Variants in SNED1 observed in about 807,000 individuals in gnomAD.
SNED1 encodes the protein sushi, nidogen and EGF-like domain-containing protein 1.
SNED1 carries 81 observed loss-of-function variants against 166.7 expected under a neutral mutation model. The observed-to-expected ratio is 0.49, with a 90% CI of 0.41 to 0.58. SNED1 has a LOEUF of 0.58. Among genes scored for constraint, SNED1 ranks in the 20% least tolerant of loss-of-function variants. The pLI is 0.00. For missense variants in SNED1, 1,604 were observed against 2,000.2 expected, an observed-to-expected ratio of 0.80 and a Z score of 3.78; for synonymous variants, 762 against 822.0, an observed-to-expected ratio of 0.93 and a Z score of 1.25.
At chr2:241,005,409 G>C (rs2060196253) in intron 1 of SNED1, among the ~76,000 whole-genome samples, 1 of 151,788 alleles carries the variant, frequency 6.6e-6, no homozygotes, top group Non-Finnish European at 1.5e-5. Context: ...TCACCATGTT[G>C]GTTAGGCTGA....
At position 240,998,773 on chromosome 2, in the gene SNED1, G is replaced by T; in HGVS notation, c.-65G>T. 1.2e-6 allele frequency: 1 copy of T among 817,148 alleles called. No homozygotes were observed. Among genetic ancestry groups the T allele is most frequent in the African/African-American group, 1.9e-5 (1 of 53,660 alleles). The allele number at this position is 817,148 out of a possible 1,614,324, so 50.6% of individuals were successfully genotyped here. ...CCGCCTGGCCCTGCCGGCCACCCCC[G>T]CGCGCAGCCTAGTCCCCCAGCGCCC... is the stretch of plus-strand genomic sequence containing the variant. On this transcript the variant is annotated 5_prime_UTR_variant, in exon 1 of 32. Transcript: ENST00000310397.
intron 3 of SNED1, 91 bp downstream of exon 3, chr2:241,033,966 C>T (rs2061264854): frequency 6.9e-7 from 1 of 1,448,032 alleles, no homozygotes; most frequent in Non-Finnish European, 9.3e-7. Flanking sequence ...AGGGGCTCAC[C>T]ATAGGCAGAT....
chr2:241,081,996 A>T (rs939161534), intron 28 of SNED1, among the ~76,000 whole-genome samples: 5 of 152,184 alleles, frequency 3.3e-5, no homozygotes. Flanking sequence ...GCTGCCCATC[A>T]CGGGGGTCAG....
chr2:241,000,270 C>G lies in SNED1; in HGVS notation c.213+1220C>G, dbSNP rs553322527. On this transcript the variant is annotated intron_variant, in intron 1 of 31. Coordinates refer to ENST00000310397, the MANE Select transcript of SNED1 (RefSeq NM_001080437.3). ...GCCTCCCACCCCACAACTGCCAACA[C>G]CATCCACAGCGCCCACTGCGTTTTC... Among the ~76,000 whole-genome samples, 3 of 152,248 alleles carry G rather than the reference C, an allele frequency of 2.0e-5. No individual in the cohort carries two copies. The East Asian group carries it at 5.8e-4, about 29-fold the overall frequency.
chr2:241,071,444 C>T (rs373793654), intron 24 of SNED1, 132 bp from the exon 25 acceptor site: 99 of 1,058,304 alleles, frequency 9.4e-5, no homozygotes, highest in African/African-American at 3.9e-4. Flanking sequence ...TGGATGACCA[C>T]GGCCCACGCA....
At chr2:241,022,337 T>C (rs1210432079) in intron 1 of SNED1, among the ~76,000 whole-genome samples, 2 of 152,250 alleles carry the variant, frequency 1.3e-5, no homozygotes, top group Non-Finnish European at 2.9e-5. Context: ...CTCTGTTTTA[T>C]TCTAAGAGTT....
At position 241,073,475 on chromosome 2, in the gene SNED1, C is replaced by G; in HGVS notation, c.3916+111C>G. On this transcript the variant is annotated intron_variant, in intron 27 of 31. Coordinates refer to ENST00000310397, the MANE Select transcript of SNED1 (RefSeq NM_001080437.3). The surrounding 1 kb of genome is among the most constrained non-coding windows in gnomAD (Gnocchi z 6.6). ...CGGTGAGGAATCAGGAGGCACAGAGCCTACCTGAGGGGAGGCTGAGCACCA... is the reference window on the plus strand; with the variant it reads ...CGGTGAGGAATCAGGAGGCACAGAGGCTACCTGAGGGGAGGCTGAGCACCA... 1.1e-6 allele frequency: 1 copy of G among 897,116 alleles called. No homozygotes were observed. Among genetic ancestry groups the G allele is most frequent in the East Asian group, 2.7e-5 (1 of 37,682 alleles). 55.6% of individuals were successfully genotyped at this position (897,116 alleles called of 1,614,324 possible).
chr2:241,004,669 T>G (rs2060167891), intron 1 of SNED1, among the ~76,000 whole-genome samples: 1 of 152,218 alleles, frequency 6.6e-6, no homozygotes, highest in African/African-American at 2.4e-5. Context: ...ATGCTATTGT[T>G]GTCATATATA....
chr2:241,086,966 T>C (rs1037786107), intron 29 of SNED1: 1 of 157,126 alleles, frequency 6.4e-6, no homozygotes, highest in African/African-American at 2.4e-5. Flanking sequence ...TGTTCTACAA[T>C]GCCTACATCC....
intron 16 of SNED1, among the ~76,000 whole-genome samples, chr2:241,055,253 G>A (rs1423024956): frequency 2.0e-5 from 3 of 152,204 alleles, no homozygotes; most frequent in Non-Finnish European, 2.9e-5. Flanking sequence ...CAGAGTTCCA[G>A]ATGAACAGCA....
At chr2:241,004,346 A>G (rs954175558) in intron 1 of SNED1, among the ~76,000 whole-genome samples, 15 of 152,206 alleles carry the variant, frequency 9.9e-5, no homozygotes, top group Middle Eastern at 3.2e-3. Context: ...CAGCCTGACA[A>G]ATCTCTTCCT....
chr2:241,073,694 C>T lies in SNED1; in HGVS notation c.3916+330C>T, dbSNP rs2062863563. The T allele has an allele frequency of 2.2e-6, 1 of 462,316 alleles. No individual in the cohort carries two copies. Among genetic ancestry groups the T allele is most frequent in the Admixed American group, 3.6e-5 (1 of 27,634 alleles). 28.6% of individuals were successfully genotyped at this position (462,316 alleles called of 1,614,324 possible). A position where few individuals can be genotyped will look rare whatever the true frequency, so the allele number is the denominator to read the frequency against. ...CAGCAGAGCCCACCCCAGCCCCTGC[C>T]TCTGGGCCCCTCACCCCTCACTTCT... is the stretch of plus-strand genomic sequence containing the variant. On this transcript the variant is annotated intron_variant, in intron 27 of 31. Transcript: ENST00000310397. The surrounding 1 kb of genome is among the most constrained non-coding windows in gnomAD (Gnocchi z 6.6).
chr2:240,997,847 C>A (rs139892758), upstream of SNED1, among the ~76,000 whole-genome samples: 68 of 152,312 alleles, frequency 4.5e-4, 1 homozygote, highest in Middle Eastern at 6.8e-3. Context: ...GTGGTCCCGG[C>A]TGAGGCCCTG....
In SNED1 at chr2:241,071,624, C is replaced by T. The variant is rs757305918; in HGVS notation, c.3638C>T (p.Pro1213Leu). The T allele has an allele frequency of 1.8e-5, 28 of 1,586,542 alleles. No homozygotes were observed. The highest frequency in any genetic ancestry group is 2.3e-5 in the Non-Finnish European group (27 of 1,173,842). Residue 1213 changes from proline (P) to leucine (L), a missense_variant, in exon 25 of 32, where the codon CCT becomes CTT. Pro to Leu is a moderately conservative substitution (Grantham distance 98). Around this residue, in one of 2 missense-constraint regions of SNED1, gnomAD observed 367 missense variants for 379.4 expected, o/e 0.97. Transcript: ENST00000310397. ...DRRWHQGGHH[P>L]RVLKNRPPPA... ...CGCTGGCACCAGGGAGGACACCACC[C>T]TCGGGTGCTCAAGAACAGACCGCCC...
At position 241,069,808 on chromosome 2, in the gene SNED1, G is replaced by T. The variant is rs1219468093; in HGVS notation, c.3308-112G>T. ...GCACTGTACCATTCTCCATAATAAA[G>T]AATCTGGCTTCCAGCAAGGCTGCGG... is the stretch of plus-strand genomic sequence containing the variant. On this transcript the variant is annotated intron_variant, in intron 23 of 31. Coordinates refer to ENST00000310397, the MANE Select transcript of SNED1 (RefSeq NM_001080437.3). The surrounding 1 kb of genome is among the most constrained non-coding windows in gnomAD (Gnocchi z 4.9). The T allele has an allele frequency of 1.6e-6, 2 of 1,256,616 alleles. No individual in the cohort carries two copies. Among genetic ancestry groups the T allele is most frequent in the Admixed American group, 2.1e-5 (1 of 48,378 alleles). 77.8% of individuals were successfully genotyped at this position (1,256,616 alleles called of 1,614,324 possible).
At chr2:241,070,969 C>T (rs1012614563) in intron 24 of SNED1, among the ~76,000 whole-genome samples, 11 of 152,284 alleles carry the variant, frequency 7.2e-5, no homozygotes, top group Admixed American at 5.2e-4. Context: ...ATAAGCTTGC[C>T]GAGTTCTCAG....
chr2:241,084,200 G>A (rs1009069796), intron 29 of SNED1, among the ~76,000 whole-genome samples: 11 of 148,776 alleles, frequency 7.4e-5, no homozygotes, highest in African/African-American at 2.0e-4. Flanking sequence ...GCGATGGTGC[G>A]ATCTTGGCTC....
chr2:241,008,689 G>A (rs2060295753), intron 1 of SNED1, among the ~76,000 whole-genome samples: 1 of 152,230 alleles, frequency 6.6e-6, no homozygotes, highest in African/African-American at 2.4e-5. Context: ...CAGCCAGCAG[G>A]TGTCAGTTAT....
chr2:241,022,537 G>A (rs2060804316), intron 1 of SNED1, among the ~76,000 whole-genome samples: 1 of 152,120 alleles, frequency 6.6e-6, no homozygotes, highest in Non-Finnish European at 1.5e-5. Flanking sequence ...ACCCAAATCA[G>A]TTGGCCTTGT....
Sources: gnomAD v4.1 joint callset for allele counts (sites outside exome capture counted in the v4.1 genomes callset) on GRCh38, gnomAD v4.1.1 for gene constraint, gnomAD v4.1.1 regional missense constraint, Gnocchi (gnomAD v3.1) non-coding constraint, MANE v1.5 for transcripts, NCBI Gene and HGNC (gene_info 2026-07-23, HGNC 2026-07-21) for gene names.